The following AHI1 variants were observed in gnomAD, a reference collection of about 807,000 sequenced individuals.
AHI1 encodes jouberin.
In AHI1, 123 loss-of-function variants were observed where a neutral mutation model predicts 149.3. That is an observed-to-expected ratio of 0.82 (90% CI 0.71 to 0.96). The LOEUF (loss-of-function observed/expected upper bound fraction) is 0.96. Among genes scored for constraint, AHI1 ranks in the 40% least tolerant of loss-of-function variants. The pLI is 0.00. For synonymous variants in AHI1, 475 were observed against 459.8 expected (o/e 1.03, Z -0.42); for missense variants, 1,439 against 1,422.7 (o/e 1.01, Z -0.18).
At chr6:135,432,340 C>T (rs560944394) in intron 16 of AHI1, among the ~76,000 whole-genome samples, 1 of 152,200 alleles carries the variant, frequency 6.6e-6, no homozygotes, top group East Asian at 1.9e-4. Context: ...CGTTTTACAT[C>T]TTTAAAACAT....
rs1789383823 is a variant in AHI1 at position 135,336,337 on chromosome 6, T to G, written c.3166-13013A>C. ...CTGGGCTGGGGGTGGTGGCTCACAC[T>G]TGTAAATCCCAGCACTCTGGGAGGC... is the stretch of plus-strand genomic sequence containing the variant. On this transcript the variant is annotated intron_variant, in intron 24 of 28. Coordinates refer to ENST00000265602, the MANE Select transcript of AHI1 (RefSeq NM_001134831.2). 2.0e-5 allele frequency among the ~76,000 whole-genome samples: 3 copies of G among 151,992 alleles called. No individual in the cohort carries two copies. In the South Asian group the frequency reaches 6.2e-4, roughly 32 times the overall value.
chr6:135,474,969 C>T (rs1328521061), intron 5 of AHI1, among the ~76,000 whole-genome samples: 1 of 152,164 alleles, frequency 6.6e-6, no homozygotes, highest in Non-Finnish European at 1.5e-5. Flanking sequence ...CTGGAAGAGT[C>T]TGTATAGAAT....
At chr6:135,397,095 T>A (rs1313109812) in intron 22 of AHI1, among the ~76,000 whole-genome samples, 1 of 151,904 alleles carries the variant, frequency 6.6e-6, no homozygotes, top group East Asian at 1.9e-4. Flanking sequence ...TACAGACTAT[T>A]CAAATGTCCA....
chr6:135,496,602 GA>G (rs904066439), intron 2 of AHI1, among the ~76,000 whole-genome samples: 2 of 152,022 alleles, frequency 1.3e-5, no homozygotes, highest in African/African-American at 2.4e-5. Flanking sequence ...TATTACACAG[GA>G]AAATTAAATG....
rs572641947 is a variant in AHI1, at chr6:135,471,532, T to A, written c.136-3898A>T. ...TCTAGTTGTACTGTACTATTTTTTT[T>A]AAAAAAGTCTCCTTTGTGGAATTCA... On this transcript the variant is annotated intron_variant, in intron 5 of 28. Coordinates refer to ENST00000265602, the MANE Select transcript of AHI1 (RefSeq NM_001134831.2). Among the ~76,000 whole-genome samples the A allele has an allele frequency of 1.9e-3, 295 of 152,290 alleles. 2 individuals carry two copies. The highest frequency in any genetic ancestry group is 7.7e-3 in the South Asian group (37 of 4,822).
chr6:135,376,645 AG>A (rs1430892421), intron 23 of AHI1, among the ~76,000 whole-genome samples: 1 of 152,026 alleles, frequency 6.6e-6, no homozygotes, highest in Non-Finnish European at 1.5e-5. Flanking sequence ...GCACTTTGGG[AG>A]GCCAAGGTGG....
intron 8 of AHI1, 78 bp from the exon 9 acceptor site, chr6:135,457,791 G>T: frequency 1.5e-6 from 2 of 1,290,384 alleles, no homozygotes; most frequent in South Asian, 1.3e-5. Flanking sequence ...TAATCTTTAA[G>T]ATCTGTGATG....
chr6:135,366,179 G>A (rs1386776773), intron 23 of AHI1, among the ~76,000 whole-genome samples: 1 of 151,726 alleles, frequency 6.6e-6, no homozygotes, highest in East Asian at 1.9e-4. Context: ...ACTGGATTTG[G>A]TTAGCTAGTA....
intron 11 of AHI1, among the ~76,000 whole-genome samples, chr6:135,451,123 A>G (rs1203283205): frequency 6.6e-6 from 1 of 152,038 alleles, no homozygotes; most frequent in Non-Finnish European, 1.5e-5. Context: ...CAGCCTCCCG[A>G]GTAGCTGGGA....
At chr6:135,358,456 C>G (rs1032954696) in intron 23 of AHI1, among the ~76,000 whole-genome samples, 3 of 152,156 alleles carry the variant, frequency 2.0e-5, no homozygotes, top group Non-Finnish European at 4.4e-5. Context: ...ACATCCTGCT[C>G]TCAACTCAAA....
intron 19 of AHI1, 35 bp from the exon 20 acceptor site, chr6:135,427,342 G>C (rs1784053826): frequency 1.3e-6 from 2 of 1,564,048 alleles, no homozygotes; most frequent in Non-Finnish European, 1.7e-6. Flanking sequence ...ATGTATATCA[G>C]AGCATATCTG....
chr6:135,323,815 C>T lies in AHI1; in HGVS notation c.3166-491G>A, dbSNP rs530246656. On this transcript the variant is annotated intron_variant, in intron 24 of 28. Transcript: ENST00000265602. ...TTTTTTTGAGATAAATTTCTCTACA[C>T]ACATACATATTTTTTGATGTTTTAT... 3.3e-5 allele frequency among the ~76,000 whole-genome samples: 5 copies of T among 152,286 alleles called. No homozygotes were observed. In the East Asian group the frequency reaches 9.6e-4, roughly 29 times the overall value.
intron 24 of AHI1, among the ~76,000 whole-genome samples, chr6:135,348,662 G>T (rs1354933563): frequency 6.6e-6 from 1 of 152,064 alleles, no homozygotes; most frequent in African/African-American, 2.4e-5. Context: ...ACTTGTATGA[G>T]GCATTATAAA....
chr6:135,443,030 G>T (rs1265747613), intron 13 of AHI1, among the ~76,000 whole-genome samples: 4 of 152,116 alleles, frequency 2.6e-5, no homozygotes, highest in Non-Finnish European at 5.9e-5. Flanking sequence ...CTAAAAGAAT[G>T]TATGTCACAG....
At chr6:135,389,823 C>T (rs1778207485) in intron 23 of AHI1, among the ~76,000 whole-genome samples, 1 of 152,100 alleles carries the variant, frequency 6.6e-6, no homozygotes, top group African/African-American at 2.4e-5. Flanking sequence ...ACCACATTGC[C>T]AGTAGTAACA....
In AHI1 at chr6:135,326,183, AG is replaced by A. The variant is rs550789839; in HGVS notation, c.3166-2860del. On this transcript the variant is annotated intron_variant, in intron 24 of 28. Coordinates refer to ENST00000265602, the MANE Select transcript of AHI1 (RefSeq NM_001134831.2). ...GTGTCACTCAAAATTCATAGGTTGA[AG>A]TCCTAGCTCCCAATGTGAATGTATT... Among the ~76,000 whole-genome samples the A allele has an allele frequency of 2.1e-4, 32 of 152,324 alleles. No individual in the cohort carries two copies. The South Asian group carries it at 6.6e-3, about 32-fold the overall frequency.
intron 27 of AHI1, among the ~76,000 whole-genome samples, chr6:135,294,445 G>A (rs558171468): frequency 3.9e-5 from 6 of 152,160 alleles, no homozygotes; most frequent in African/African-American, 1.4e-4. Flanking sequence ...GGAGGCAGAG[G>A]TTGCAGTGAG....
chr6:135,321,484 A>T (rs1361254740), intron 25 of AHI1, among the ~76,000 whole-genome samples: 1 of 152,048 alleles, frequency 6.6e-6, no homozygotes, highest in Non-Finnish European at 1.5e-5. Context: ...GAGACTGGGG[A>T]GGGGAGCAAT....
intron 23 of AHI1, among the ~76,000 whole-genome samples, chr6:135,363,668 G>A (rs1352579373): frequency 9.4e-5 from 14 of 149,192 alleles, no homozygotes; most frequent in East Asian, 2.0e-4. Flanking sequence ...GCGGCTGGCC[G>A]GGCGGGGGGC....
Sources: gnomAD v4.1 joint callset for allele counts (sites outside exome capture counted in the v4.1 genomes callset) on GRCh38, gnomAD v4.1.1 for gene constraint, MANE v1.5 for transcripts, NCBI Gene and HGNC (gene_info 2026-07-23, HGNC 2026-07-21) for gene names.